Variants in APBB1IP observed in about 807,000 individuals in gnomAD.
The protein encoded by APBB1IP is amyloid beta precursor protein binding family B member 1 interacting protein, also known as amyloid beta A4 precursor protein-binding family B member 1-interacting protein.
A neutral mutation model predicts 64.9 loss-of-function variants in APBB1IP; 27 were observed. The ratio of observed to expected loss-of-function variants is 0.42; its 90% CI spans 0.31 to 0.57. The LOEUF is 0.57. Among genes scored for constraint, APBB1IP ranks in the 20% least tolerant of loss-of-function variants. The pLI, the probability that APBB1IP is intolerant of heterozygous loss-of-function variation, is 0.20. For missense variants in APBB1IP, 812 were observed against 845.5 expected (o/e 0.96, Z 0.49); for synonymous variants, 392 against 331.0 (o/e 1.18, Z -2.00).
chr10:26,560,339 C>CA, intron 12 of APBB1IP, 136 bp downstream of exon 12: 1 of 763,012 alleles, frequency 1.3e-6, no homozygotes, highest in Non-Finnish European at 2.2e-6. Context: ...TTTATTCGCC[C>CA]AGTGGGTTTT....
intron 6 of APBB1IP, among the ~76,000 whole-genome samples, 189 bp downstream of exon 6, chr10:26,503,463 G>A (rs967461700): frequency 9.2e-5 from 14 of 152,026 alleles, no homozygotes; most frequent in South Asian, 4.1e-4. Flanking sequence ...GCAAAACCCC[G>A]TCTCTACTAA....
rs184602293 is a variant in APBB1IP, at chr10:26,558,349, T to C, written c.1156-1756T>C. 3.9e-5 allele frequency among the ~76,000 whole-genome samples: 6 copies of C among 152,312 alleles called. No individual in the cohort carries two copies. In the East Asian group the frequency reaches 1.2e-3, roughly 29 times the overall value. On this transcript the variant is annotated intron_variant, in intron 11 of 14. Transcript: ENST00000376236. The stretch of plus-strand genomic sequence containing the variant: ...AAATATTGTGCTTGTTTCTTGATTC[T>C]TCAAGTATTCTGACATCTGGACTGG...
intron 10 of APBB1IP, among the ~76,000 whole-genome samples, chr10:26,540,156 T>C (rs1456642272): frequency 6.6e-6 from 1 of 152,234 alleles, no homozygotes; most frequent in Non-Finnish European, 1.5e-5. Flanking sequence ...AAATAACTTC[T>C]AATCATCTGT....
Position 26,567,298 on chromosome 10 carries a change from C to A in APBB1IP, c.1811C>A (p.Pro604Gln). The A allele has an allele frequency of 9.2e-7, 1 of 1,085,726 alleles. No individual in the cohort carries two copies. The highest frequency in any genetic ancestry group is 1.1e-6 in the Non-Finnish European group (1 of 889,806). The allele number at this position is 1,085,726 out of a possible 1,614,324, so 67.3% of individuals were successfully genotyped here. The change falls in exon 15 of 15, where the codon CCG (proline) becomes CAG (glutamine). Residue 604 changes from proline to glutamine, a missense_variant. This residue lies in a region of APBB1IP where 381 missense variants were observed against 352.1 expected (regional missense o/e 1.08). Coordinates refer to ENST00000376236, the MANE Select transcript of APBB1IP (RefSeq NM_019043.4). ...TCAGAGCTGCCCCCGCCGCCGCCGC[C>A]GCCGCCCGCGCCCGCGCCCGCCCCC... ...AGSELPPPPPPPPAPAPAPVP... is the reference protein window; with the variant it reads ...AGSELPPPPPQPPAPAPAPVP...
At chr10:26,553,221 C>T (rs1489408560) in intron 11 of APBB1IP, among the ~76,000 whole-genome samples, 3 of 152,044 alleles carry the variant, frequency 2.0e-5, no homozygotes, top group Non-Finnish European at 2.9e-5. Flanking sequence ...AGGGTTTCAC[C>T]GTGTTGGTCA....
At chr10:26,467,435 C>T (rs1236794875) in intron 2 of APBB1IP, among the ~76,000 whole-genome samples, 1 of 152,138 alleles carries the variant, frequency 6.6e-6, no homozygotes, top group Admixed American at 6.5e-5. Context: ...GGAAAGCTTG[C>T]TAAACACAGA....
intron 2 of APBB1IP, among the ~76,000 whole-genome samples, chr10:26,485,197 G>C (rs1387129244): frequency 1.3e-5 from 2 of 152,200 alleles, no homozygotes; most frequent in African/African-American, 4.8e-5. Context: ...TATAGTGAAT[G>C]AGGTTCCACA....
In APBB1IP at chr10:26,567,589, T is replaced by C. The variant is rs980610267; in HGVS notation, c.*101T>C. 1 of 1,458,996 alleles carries C rather than the reference T, an allele frequency of 6.9e-7. No homozygotes were observed. The highest frequency in any genetic ancestry group is 9.2e-7 in the Non-Finnish European group (1 of 1,086,426). The allele number at this position is 1,458,996 out of a possible 1,614,324, so 90.4% of individuals were successfully genotyped here. ...GACATCTTGTTCATTTCAGATAAAA[T>C]GTGATGGGAAACTTCTCACTGATGT... On this transcript the variant is annotated 3_prime_UTR_variant, in exon 15 of 15. Coordinates refer to ENST00000376236, the MANE Select transcript of APBB1IP (RefSeq NM_019043.4).
Position 26,500,822 on chromosome 10 carries a change from C to G in APBB1IP, c.164C>G (p.Ser55Cys), listed in dbSNP as rs1302711831. The G allele has an allele frequency of 1.2e-6, 2 of 1,612,834 alleles. No homozygotes were observed. Among genetic ancestry groups the G allele is most frequent in the Admixed American group, 3.3e-5 (2 of 59,964 alleles). The change falls in exon 5 of 15, where the codon TCC becomes TGC. Residue 55 changes from serine (S) to cysteine (C), a missense_variant. Around this residue, in one of 3 missense-constraint regions of APBB1IP, gnomAD observed 394 missense variants for 413.1 expected, o/e 0.95. Coordinates refer to ENST00000376236, the MANE Select transcript of APBB1IP (RefSeq NM_019043.4). ...YSVGFKDLNESLNALEDQDLD... is the reference protein window; with the variant it reads ...YSVGFKDLNECLNALEDQDLD... Reference sequence around the variant, plus strand: ...TTAATGTGATTTTCCCTACTAGAGTCCTTAAATGCACTGGAAGACCAAGAT... The same window carrying G: ...TTAATGTGATTTTCCCTACTAGAGTGCTTAAATGCACTGGAAGACCAAGAT...
chr10:26,526,744 C>A (rs7076599), intron 8 of APBB1IP, among the ~76,000 whole-genome samples: 26,834 of 151,696 alleles, frequency 0.18, 2,731 homozygotes, highest in East Asian at 0.31. Context: ...ATAATAATAT[C>A]AATTTATCAT....
intron 2 of APBB1IP, among the ~76,000 whole-genome samples, chr10:26,469,510 A>G (rs1374052004): frequency 6.6e-6 from 1 of 152,064 alleles, no homozygotes; most frequent in African/African-American, 2.4e-5. Flanking sequence ...CTGGCCTCCC[A>G]AAGTGCTGGG....
chr10:26,469,758 C>G (rs1186565275), intron 2 of APBB1IP, among the ~76,000 whole-genome samples: 1 of 152,074 alleles, frequency 6.6e-6, no homozygotes, highest in African/African-American at 2.4e-5. Context: ...AAACTTGCCT[C>G]TCCTCCCTCC....
chr10:26,538,468 C>A (rs921535902), intron 10 of APBB1IP, among the ~76,000 whole-genome samples: 4 of 151,784 alleles, frequency 2.6e-5, no homozygotes, highest in Admixed American at 1.3e-4. Context: ...TGGTGAAACC[C>A]CATCTCTACT....
chr10:26,456,737 T>TAAAAAAAAA (rs9299824), intron 2 of APBB1IP, among the ~76,000 whole-genome samples: 5 of 90,678 alleles, frequency 5.5e-5, no homozygotes, highest in African/African-American at 1.9e-4. Flanking sequence ...AGAACCTGTC[T>TAAAAAAAAA]AAAAAAAAAA....
intron 8 of APBB1IP, among the ~76,000 whole-genome samples, chr10:26,517,367 G>A (rs146896981): frequency 1.6e-4 from 24 of 152,334 alleles, no homozygotes; most frequent in Admixed American, 6.5e-4. Context: ...TACAAAGGTC[G>A]TCATGATTCT....
intron 3 of APBB1IP, among the ~76,000 whole-genome samples, chr10:26,494,699 C>T (rs2132432356): frequency 6.6e-6 from 1 of 152,116 alleles, no homozygotes; most frequent in Non-Finnish European, 1.5e-5. Context: ...GTGGTGGGTG[C>T]TTGTAATCCC....
At chr10:26,450,828 T>C (rs1835457471) in intron 2 of APBB1IP, among the ~76,000 whole-genome samples, 1 of 152,108 alleles carries the variant, frequency 6.6e-6, no homozygotes, top group African/African-American at 2.4e-5. Context: ...CCCAAGTAGC[T>C]GGGACTACAG....
At chr10:26,489,986 T>C (rs1045012506) in intron 2 of APBB1IP, among the ~76,000 whole-genome samples, 2 of 151,834 alleles carry the variant, frequency 1.3e-5, no homozygotes, top group African/African-American at 2.4e-5. Flanking sequence ...GATCAGGCCA[T>C]TGCACTCCAG....
At chr10:26,539,752 A>G (rs529479076) in intron 10 of APBB1IP, among the ~76,000 whole-genome samples, 1 of 152,340 alleles carries the variant, frequency 6.6e-6, no homozygotes, top group African/African-American at 2.4e-5. Context: ...AAAGACTTCA[A>G]GAAATCAATA....
Sources: gnomAD v4.1 joint callset for allele counts (sites outside exome capture counted in the v4.1 genomes callset) on GRCh38, gnomAD v4.1.1 for gene constraint, gnomAD v4.1.1 regional missense constraint, MANE v1.5 for transcripts, NCBI Gene and HGNC (gene_info 2026-07-23, HGNC 2026-07-21) for gene names.